Variants in WWOX observed in about 807,000 individuals in gnomAD.
WWOX encodes the protein WW domain-containing oxidoreductase.
WWOX carries 69 observed loss-of-function variants against 46.2 expected under a neutral mutation model. That is an observed-to-expected ratio of 1.49 (90% CI 1.23 to 1.82). The LOEUF (loss-of-function observed/expected upper bound fraction) is 1.82, where lower values mean the gene tolerates loss of function less well. Among genes scored for constraint, WWOX ranks in the 40% most tolerant of loss-of-function variants. WWOX has a pLI of 0.00. For missense variants in WWOX, 919 were observed against 542.6 expected (o/e 1.69, Z -6.89); for synonymous variants, 359 against 202.6 (o/e 1.77, Z -6.56).
chr16:78,582,369 G>T (rs1033360799), intron 8 of WWOX, among the ~76,000 whole-genome samples: 1 of 152,138 alleles, frequency 6.6e-6, no homozygotes, highest in African/African-American at 2.4e-5. Context: ...CAAGAATGTG[G>T]CTTCAATGAG....
chr16:78,303,407 G>C (rs537189009), intron 5 of WWOX, among the ~76,000 whole-genome samples: 57 of 152,164 alleles, frequency 3.7e-4, no homozygotes, highest in Non-Finnish European at 6.8e-4. Context: ...CATGAAACTT[G>C]AGCAACTGAG....
At chr16:78,483,325 C>T (rs74028843) in intron 8 of WWOX, among the ~76,000 whole-genome samples, 3,385 of 151,632 alleles carry the variant, frequency 0.022, 124 homozygotes, top group African/African-American at 0.079. Context: ...GGTGTGCCTC[C>T]GCTTTCATGA....
At position 78,110,529 on chromosome 16, in the gene WWOX, T is replaced by C. The variant is rs568397527; in HGVS notation, c.230+694T>C. ...ATTTATCAAATTGCCTATTGGACAT[T>C]AATGCTAAATTCCTGTTATAGAGAA... On this transcript the variant is annotated intron_variant, in intron 3 of 8. Coordinates refer to ENST00000566780, the MANE Select transcript of WWOX (RefSeq NM_016373.4). Among the ~76,000 whole-genome samples the C allele has an allele frequency of 1.3e-3, 197 of 152,326 alleles. 1 individual carries two copies. Among genetic ancestry groups the C allele is most frequent in the South Asian group, 0.01 (50 of 4,828 alleles).
intron 8 of WWOX, among the ~76,000 whole-genome samples, chr16:79,010,864 C>T (rs780482914): frequency 4.0e-5 from 6 of 151,288 alleles, no homozygotes; most frequent in Admixed American, 1.3e-4. Context: ...GTGAGGAGTG[C>T]GGGAGATGGG....
chr16:79,205,743 C>T (rs999439218), intron 8 of WWOX: 3 of 152,080 alleles, frequency 2.0e-5, no homozygotes, highest in Non-Finnish European at 4.4e-5. Context: ...TTGTTGAAGG[C>T]CTTTGTGGGA....
chr16:78,302,329 G>C (rs1014336340), intron 5 of WWOX, among the ~76,000 whole-genome samples: 1 of 152,060 alleles, frequency 6.6e-6, no homozygotes, highest in African/African-American at 2.4e-5. Flanking sequence ...AAATATATCA[G>C]TTATAAAAGT....
intron 8 of WWOX, among the ~76,000 whole-genome samples, chr16:79,125,533 A>G (rs2049733793): frequency 6.6e-6 from 1 of 152,206 alleles, no homozygotes; most frequent in African/African-American, 2.4e-5. Context: ...TTCAACTCCT[A>G]CATCCAAGTG....
intron 8 of WWOX, among the ~76,000 whole-genome samples, chr16:79,032,583 G>C (rs893971053): frequency 1.4e-5 from 2 of 147,308 alleles, no homozygotes; most frequent in Non-Finnish European, 3.0e-5. Context: ...TATATAATTT[G>C]GGGGGCAAAA....
intron 8 of WWOX, among the ~76,000 whole-genome samples, chr16:79,124,568 T>C (rs1331372868): frequency 6.6e-6 from 1 of 152,160 alleles, no homozygotes; most frequent in African/African-American, 2.4e-5. Context: ...CGAAGTGCAT[T>C]CCATGGCCCT....
chr16:78,577,224 A>G (rs888086223), intron 8 of WWOX, among the ~76,000 whole-genome samples: 1 of 152,232 alleles, frequency 6.6e-6, no homozygotes, highest in Non-Finnish European at 1.5e-5. Flanking sequence ...GGGAAATTGT[A>G]TGCCTTACAA....
chr16:78,619,143 ATATATATATATATATATATATAT>A lies in WWOX; in HGVS notation c.1056+186392_1056+186414del, dbSNP rs2046109460. The stretch of plus-strand genomic sequence containing the variant: ...AAACCCCATTTCTACTAAAAAAAAA[ATATATATATATATATATATATAT>A]ATATATATATATATATATATATATA... On this transcript the variant is annotated intron_variant, in intron 8 of 8. Coordinates refer to ENST00000566780, the MANE Select transcript of WWOX (RefSeq NM_016373.4). 1.4e-3 allele frequency among the ~76,000 whole-genome samples: 5 copies of A among 3,526 alleles called. 2 individuals carry two copies. Among genetic ancestry groups the A allele is most frequent in the African/African-American group, 2.2e-3 (2 of 904 alleles). 2.3% of individuals were successfully genotyped at this position (3,526 alleles called of 152,430 possible). A position where few individuals can be genotyped will look rare whatever the true frequency, so the allele number is the denominator to read the frequency against.
chr16:78,859,090 G>A lies in WWOX; in HGVS notation c.1057-352518G>A, dbSNP rs148688969. The stretch of plus-strand genomic sequence containing the variant: ...TATATATATGAAAAAAAGGACAAAC[G>A]ATTTCAGTTGCACAACTATAATCGA... On this transcript the variant is annotated intron_variant, in intron 8 of 8. Transcript: ENST00000566780. Among the ~76,000 whole-genome samples, 684 of 112,104 alleles carry A rather than the reference G, an allele frequency of 6.1e-3. 5 individuals carry two copies. The highest frequency in any genetic ancestry group is 0.022 in the African/African-American group (636 of 28,486). 73.5% of individuals were successfully genotyped at this position (112,104 alleles called of 152,430 possible). A position where few individuals can be genotyped will look rare whatever the true frequency, so the allele number is the denominator to read the frequency against.
intron 8 of WWOX, among the ~76,000 whole-genome samples, chr16:78,530,553 C>T (rs776474365): frequency 6.6e-6 from 1 of 152,086 alleles, no homozygotes; most frequent in African/African-American, 2.4e-5. Context: ...AATGTGCCAG[C>T]GGAGCCTGGG....
intron 8 of WWOX, among the ~76,000 whole-genome samples, chr16:79,126,354 A>G (rs2049754261): frequency 6.6e-6 from 1 of 152,086 alleles, no homozygotes; most frequent in Admixed American, 6.5e-5. Flanking sequence ...TGTCATCTCG[A>G]ATTGTAATCC....
intron 8 of WWOX, among the ~76,000 whole-genome samples, chr16:78,869,254 C>G (rs1470768278): frequency 6.6e-6 from 1 of 152,144 alleles, no homozygotes; most frequent in African/African-American, 2.4e-5. Flanking sequence ...TCCTGTCACC[C>G]TGCTGGAAAT....
chr16:78,566,751 C>T (rs1022248412), intron 8 of WWOX, among the ~76,000 whole-genome samples: 2 of 152,124 alleles, frequency 1.3e-5, no homozygotes, highest in Non-Finnish European at 2.9e-5. Context: ...AGAATTCCTG[C>T]CAGAAAGGTG....
chr16:78,132,593 G>A (rs2033642087), intron 4 of WWOX, among the ~76,000 whole-genome samples: 2 of 152,156 alleles, frequency 1.3e-5, no homozygotes, highest in South Asian at 4.1e-4. Context: ...TATAACCTGA[G>A]CAGTTTATGT....
intron 8 of WWOX, among the ~76,000 whole-genome samples, chr16:78,880,554 C>T (rs979214753): frequency 2.0e-5 from 3 of 152,218 alleles, no homozygotes; most frequent in African/African-American, 7.2e-5. Context: ...AAACTGCAAT[C>T]TTGCATCATT....
Position 78,626,033 on chromosome 16 carries a change from A to C in WWOX, c.1056+193281A>C, listed in dbSNP as rs558943428. Among the ~76,000 whole-genome samples, 54 of 151,948 alleles carry C rather than the reference A, an allele frequency of 3.6e-4. 1 individual carries two copies. The East Asian group carries it at 9.5e-3, about 27-fold the overall frequency. On this transcript the variant is annotated intron_variant, in intron 8 of 8. Transcript: ENST00000566780. Reference sequence around the variant, plus strand: ...ACCAACCTAATATTGTTATTAACTAAAGTCCATCGTTTATCATATTGCCTT... The same window carrying C: ...ACCAACCTAATATTGTTATTAACTACAGTCCATCGTTTATCATATTGCCTT...
Sources: gnomAD v4.1 joint callset for allele counts (sites outside exome capture counted in the v4.1 genomes callset) on GRCh38, gnomAD v4.1.1 for gene constraint, MANE v1.5 for transcripts, NCBI Gene and HGNC (gene_info 2026-07-23, HGNC 2026-07-21) for gene names.